The following KLHL29 variants were observed in gnomAD, a reference collection of about 807,000 sequenced individuals.
KLHL29 encodes the protein kelch-like protein 29.
In KLHL29, 21 loss-of-function variants were observed where a neutral mutation model predicts 80.4. The ratio of observed to expected loss-of-function variants is 0.26; its 90% CI spans 0.19 to 0.38. KLHL29 has a LOEUF of 0.38. KLHL29 is among the 10% of genes least tolerant of loss of function. KLHL29 has a pLI of 1.00. For missense variants in KLHL29, 867 were observed against 1,223.9 expected, an observed-to-expected ratio of 0.71 and a Z score of 4.35; for synonymous variants, 511 against 526.8, an observed-to-expected ratio of 0.97 and a Z score of 0.41.
chr2:23,412,785 G>C (rs1230190661), intron 1 of KLHL29, among the ~76,000 whole-genome samples: 1 of 152,178 alleles, frequency 6.6e-6, no homozygotes, highest in Non-Finnish European at 1.5e-5. Flanking sequence ...GATGCTATGA[G>C]GACCACTTGT....
In KLHL29 at chr2:23,562,647, A is replaced by G. The variant is rs4665225; in HGVS notation, c.285+166A>G. ...CTGGGCCTGGAAACTGTTTGCGAGC[A>G]TTCATGCGGGTTTTATTATCCATGA... On this transcript the variant is annotated intron_variant, in intron 3 of 13. Transcript: ENST00000486442. The surrounding 1 kb of genome is among the most constrained non-coding windows in gnomAD (Gnocchi z 4.5). Among the ~76,000 whole-genome samples, 126,098 of 151,942 alleles carry G rather than the reference A, an allele frequency of 0.83. 52,652 individuals are homozygous for G. The highest frequency in any genetic ancestry group is 1 in the East Asian group (5,128 of 5,140).
At chr2:23,543,932 C>T (rs980874950) in intron 2 of KLHL29, among the ~76,000 whole-genome samples, 15 of 152,160 alleles carry the variant, frequency 9.9e-5, no homozygotes, top group Admixed American at 4.6e-4. Flanking sequence ...CCAGGTCCAC[C>T]AGGTGGACTC....
At chr2:23,581,743 G>T (rs150051026) in intron 3 of KLHL29, among the ~76,000 whole-genome samples, 4 of 143,572 alleles carry the variant, frequency 2.8e-5, no homozygotes, top group Non-Finnish European at 4.5e-5. Context: ...CAGGAGAATC[G>T]CTTGAACCCG....
intron 3 of KLHL29, among the ~76,000 whole-genome samples, chr2:23,612,652 GA>G (rs1668897516): frequency 6.6e-6 from 1 of 152,134 alleles, no homozygotes; most frequent in African/African-American, 2.4e-5. Context: ...TAAGGCAGGA[GA>G]AATTCTTGAA....
At chr2:23,674,227 A>AC (rs1420383160) in intron 5 of KLHL29, among the ~76,000 whole-genome samples, 1 of 151,480 alleles carries the variant, frequency 6.6e-6, no homozygotes, top group East Asian at 1.9e-4. Flanking sequence ...TTTCCATGTG[A>AC]CCCCAACACC....
chr2:23,699,263 C>T (rs1485374462), intron 11 of KLHL29, among the ~76,000 whole-genome samples: 2 of 152,276 alleles, frequency 1.3e-5, no homozygotes, highest in African/African-American at 2.4e-5. Flanking sequence ...AAGCAGGCCC[C>T]GTATGCCTCC....
chr2:23,414,732 C>T (rs1441878832), intron 1 of KLHL29, among the ~76,000 whole-genome samples: 6 of 152,288 alleles, frequency 3.9e-5, no homozygotes, highest in East Asian at 1.9e-4. Flanking sequence ...CCCAAATGCC[C>T]GTCTACAGAT....
intron 2 of KLHL29, among the ~76,000 whole-genome samples, chr2:23,492,665 A>C (rs1182837191): frequency 2.0e-5 from 3 of 152,202 alleles, no homozygotes; most frequent in Non-Finnish European, 4.4e-5. Flanking sequence ...TGCTTATATG[A>C]ATATAAGAAA....
chr2:23,547,274 C>T (rs1667001938), intron 2 of KLHL29, among the ~76,000 whole-genome samples: 1 of 152,164 alleles, frequency 6.6e-6, no homozygotes, highest in African/African-American at 2.4e-5. Flanking sequence ...ATTCTCATTA[C>T]CCGATTCCGA....
chr2:23,580,705 G>A (rs1299015899), intron 3 of KLHL29, among the ~76,000 whole-genome samples: 10 of 76,132 alleles, frequency 1.3e-4, no homozygotes, highest in Admixed American at 2.4e-4. Flanking sequence ...TAGGCCAGGC[G>A]CGGTGGCTCA....
At chr2:23,591,066 G>A (rs930127023) in intron 3 of KLHL29, among the ~76,000 whole-genome samples, 21 of 152,310 alleles carry the variant, frequency 1.4e-4, no homozygotes, top group South Asian at 6.2e-4. Context: ...AGAAGTCCGA[G>A]AGCGCCAGGC....
At chr2:23,522,920 C>T (rs1384540235) in intron 2 of KLHL29, among the ~76,000 whole-genome samples, 3 of 152,186 alleles carry the variant, frequency 2.0e-5, no homozygotes, top group Non-Finnish European at 2.9e-5. Context: ...TGCATGGACT[C>T]GACTTTGTCA....
At chr2:23,464,529 T>G (rs1664296458) in intron 1 of KLHL29, among the ~76,000 whole-genome samples, 1 of 152,136 alleles carries the variant, frequency 6.6e-6, no homozygotes, top group African/African-American at 2.4e-5. Context: ...CTTCACTCCC[T>G]CCCGTCCCCA....
chr2:23,440,170 G>A lies in KLHL29; in HGVS notation c.-153-35390G>A, dbSNP rs1188152626. Among the ~76,000 whole-genome samples the A allele has an allele frequency of 3.3e-5, 5 of 152,002 alleles. No homozygotes were observed. In the South Asian group the frequency reaches 6.2e-4, roughly 19 times the overall value. ...TTTGAACAGAGCCCTCAGAAATAAC[G>A]CCGCATATCTACAACTATCTGATCT... On this transcript the variant is annotated intron_variant, in intron 1 of 13. Coordinates refer to ENST00000486442, the MANE Select transcript of KLHL29 (RefSeq NM_052920.2).
At position 23,493,033 on chromosome 2, in the gene KLHL29, G is replaced by T. The variant is rs538763038; in HGVS notation, c.-46+17366G>T. ...AGTGGAAATATTCCAGGATCTAATGGGCAGTTGGACGAGATGATGTTCAAG... is the reference window on the plus strand; with the variant it reads ...AGTGGAAATATTCCAGGATCTAATGTGCAGTTGGACGAGATGATGTTCAAG... On this transcript the variant is annotated intron_variant, in intron 2 of 13. Transcript: ENST00000486442. Among the ~76,000 whole-genome samples the T allele has an allele frequency of 2.6e-5, 4 of 152,268 alleles. No homozygotes were observed. The South Asian group carries it at 8.3e-4, about 32-fold the overall frequency.
intron 3 of KLHL29, among the ~76,000 whole-genome samples, chr2:23,598,716 A>C (rs1668490524): frequency 6.6e-6 from 1 of 152,224 alleles, no homozygotes; most frequent in Non-Finnish European, 1.5e-5. Context: ...AGCAGAGGCC[A>C]AGGCTCCCTG....
chr2:23,690,617 G>A (rs1671531727), intron 6 of KLHL29: 1 of 152,272 alleles, frequency 6.6e-6, no homozygotes, highest in Admixed American at 6.5e-5. Flanking sequence ...CGGGCTCAGG[G>A]TGGGAAGCAG....
At chr2:23,507,137 T>C (rs1173070356) in intron 2 of KLHL29, 3 of 440,012 alleles carry the variant, frequency 6.8e-6, no homozygotes, top group Middle Eastern at 3.7e-4. Flanking sequence ...TGCACGGGTG[T>C]GCCCAGCTGT....
At chr2:23,608,288 C>T (rs1045089524) in intron 3 of KLHL29, among the ~76,000 whole-genome samples, 1 of 152,216 alleles carries the variant, frequency 6.6e-6, no homozygotes, top group African/African-American at 2.4e-5. Context: ...ATTTTGTGTT[C>T]TCCTAAACAT....
Sources: allele counts gnomAD v4.1 joint callset (sites outside exome capture counted in the v4.1 genomes callset), GRCh38; gene constraint gnomAD v4.1.1; non-coding constraint Gnocchi (gnomAD v3.1); transcripts MANE v1.5; gene names NCBI Gene and HGNC (gene_info 2026-07-23, HGNC 2026-07-21).